Variants in INPP4B observed in about 807,000 individuals in gnomAD.
INPP4B encodes inositol polyphosphate 4-phosphatase type II.
INPP4B carries 55 observed loss-of-function variants against 122.5 expected under a neutral mutation model. That is an observed-to-expected ratio of 0.45 (90% confidence interval 0.36 to 0.56). The LOEUF (loss-of-function observed/expected upper bound fraction) is 0.56. Ranked by LOEUF, INPP4B falls within the 20% of genes least tolerant of loss-of-function variation. The pLI is 0.00. For synonymous variants in INPP4B, 403 were observed against 388.7 expected (o/e 1.04, Z -0.43); for missense variants, 1,000 against 1,097.7 (o/e 0.91, Z 1.26).
intron 7 of INPP4B, among the ~76,000 whole-genome samples, chr4:142,331,448 G>C (rs185375979): frequency 1.4e-3 from 211 of 152,232 alleles, no homozygotes; most frequent in African/African-American, 5.0e-3. Flanking sequence ...CTGGCATAGG[G>C]ATCAGGTCCA....
intron 12 of INPP4B, among the ~76,000 whole-genome samples, chr4:142,218,719 C>T (rs1420120721): frequency 6.6e-6 from 1 of 152,104 alleles, no homozygotes; most frequent in Non-Finnish European, 1.5e-5. Flanking sequence ...AGTAAAACTA[C>T]ACATGGTATG....
intron 12 of INPP4B, among the ~76,000 whole-genome samples, chr4:142,213,293 A>G (rs886647175): frequency 6.6e-6 from 1 of 151,882 alleles, no homozygotes; most frequent in African/African-American, 2.4e-5. Context: ...TCTCTATCGT[A>G]CCCCGGAGGA....
At chr4:142,693,162 C>A (rs1029195144) in intron 2 of INPP4B, among the ~76,000 whole-genome samples, 8 of 151,984 alleles carry the variant, frequency 5.3e-5, no homozygotes, top group Non-Finnish European at 7.4e-5. Flanking sequence ...ATTTCCTGAT[C>A]TTCTTGGCTT....
At chr4:142,515,617 C>T (rs1291079315) in intron 2 of INPP4B, among the ~76,000 whole-genome samples, 1 of 152,150 alleles carries the variant, frequency 6.6e-6, no homozygotes, top group East Asian at 1.9e-4. Flanking sequence ...AACCTAGCCC[C>T]CGGCCATTGG....
chr4:142,235,229 T>C (rs1242459576), intron 12 of INPP4B, among the ~76,000 whole-genome samples: 1 of 152,108 alleles, frequency 6.6e-6, no homozygotes. Flanking sequence ...AGACGGAGTC[T>C]ATATCTTTAC....
chr4:142,778,351 A>C (rs1774257743), intron 1 of INPP4B, among the ~76,000 whole-genome samples: 1 of 152,162 alleles, frequency 6.6e-6, no homozygotes, highest in African/African-American at 2.4e-5. Context: ...TTAATCATCC[A>C]AGAACACGCT....
intron 2 of INPP4B, among the ~76,000 whole-genome samples, chr4:142,692,085 G>A (rs566359233): frequency 3.0e-4 from 46 of 151,802 alleles, no homozygotes; most frequent in South Asian, 1.2e-3. Flanking sequence ...TTCAGAAGCC[G>A]CAGATGGCAC....
intron 2 of INPP4B, among the ~76,000 whole-genome samples, chr4:142,645,808 C>A (rs72726492): frequency 8.1e-4 from 124 of 152,258 alleles, no homozygotes; most frequent in Non-Finnish European, 1.4e-3. Context: ...AAAATGGAAC[C>A]TGGCCTAATT....
At chr4:142,722,466 A>G (rs1764814057) in intron 2 of INPP4B, among the ~76,000 whole-genome samples, 1 of 152,180 alleles carries the variant, frequency 6.6e-6, no homozygotes, top group Non-Finnish European at 1.5e-5. Flanking sequence ...GATTCTAGAC[A>G]ATGCTGTGGT....
chr4:142,562,811 C>T (rs553458870), intron 2 of INPP4B, among the ~76,000 whole-genome samples: 3 of 152,202 alleles, frequency 2.0e-5, no homozygotes, highest in Admixed American at 2.0e-4. Flanking sequence ...GCCATTCTCT[C>T]TTCTCATGTT....
intron 2 of INPP4B, among the ~76,000 whole-genome samples, chr4:142,578,254 G>A (rs1044681160): frequency 1.3e-5 from 2 of 151,930 alleles, no homozygotes; most frequent in South Asian, 2.1e-4. Flanking sequence ...ATACACACAC[G>A]CTGTGGTCTT....
At chr4:142,192,326 C>A (rs1836276457) in intron 15 of INPP4B, among the ~76,000 whole-genome samples, 1 of 6,584 alleles carries the variant, frequency 1.5e-4, no homozygotes, top group Non-Finnish European at 1.0e-3. Context: ...CCCTTGGAAT[C>A]TAAAAGTAAA....
At chr4:142,325,755 T>C (rs948976675) in intron 7 of INPP4B, among the ~76,000 whole-genome samples, 1 of 152,206 alleles carries the variant, frequency 6.6e-6, no homozygotes, top group African/African-American at 2.4e-5. Flanking sequence ...CTAATTTCTC[T>C]ATATGAATGC....
intron 21 of INPP4B, among the ~76,000 whole-genome samples, chr4:142,114,903 A>G (rs1379125840): frequency 6.6e-6 from 1 of 152,144 alleles, no homozygotes; most frequent in Admixed American, 6.6e-5. Flanking sequence ...AAAGAAGATA[A>G]AAACCTCGAA....
intron 25 of INPP4B, among the ~76,000 whole-genome samples, chr4:142,044,935 G>A (rs952685386): frequency 2.0e-5 from 3 of 152,124 alleles, no homozygotes; most frequent in Non-Finnish European, 2.9e-5. Context: ...TGCAGGGAAC[G>A]TAGGAAAGTA....
intron 2 of INPP4B, among the ~76,000 whole-genome samples, chr4:142,653,323 C>T (rs2150549579): frequency 6.6e-6 from 1 of 152,280 alleles, no homozygotes; most frequent in Middle Eastern, 3.4e-3. Flanking sequence ...GCAAGGACTT[C>T]ATGACTAAGA....
At chr4:142,363,376 A>G (rs1007946319) in intron 7 of INPP4B, among the ~76,000 whole-genome samples, 2 of 151,924 alleles carry the variant, frequency 1.3e-5, no homozygotes, top group African/African-American at 4.8e-5. Context: ...CACATGCCAA[A>G]AAGTATAAGG....
intron 22 of INPP4B, among the ~76,000 whole-genome samples, chr4:142,108,701 T>C (rs1788449862): frequency 1.3e-5 from 2 of 152,158 alleles, no homozygotes; most frequent in South Asian, 4.1e-4. Flanking sequence ...AGTAGATCAT[T>C]TCTGCCGACA....
chr4:142,506,982 C>T (rs1449873249), intron 2 of INPP4B, among the ~76,000 whole-genome samples: 1 of 152,126 alleles, frequency 6.6e-6, no homozygotes, highest in Non-Finnish European at 1.5e-5. Context: ...AGAAACAGTA[C>T]TTCTCCCATC....
Sources: gnomAD v4.1 joint callset for allele counts (sites outside exome capture counted in the v4.1 genomes callset) on GRCh38, gnomAD v4.1.1 for gene constraint, MANE v1.5 for transcripts, NCBI Gene and HGNC (gene_info 2026-07-23, HGNC 2026-07-21) for gene names.